Variants in TENT4B observed in about 807,000 individuals in gnomAD.
TENT4B encodes PAP associated domain containing 5.
TENT4B carries 10 observed loss-of-function variants against 75.0 expected under a neutral mutation model. The ratio of observed to expected loss-of-function variants is 0.13; its 90% CI spans 0.08 to 0.23. TENT4B has a LOEUF of 0.23. TENT4B is among the 10% of genes least tolerant of loss of function. The pLI is 1.00. For synonymous variants in TENT4B, 350 were observed against 357.7 expected, an observed-to-expected ratio of 0.98 and a Z score of 0.24; for missense variants, 579 against 893.8, an observed-to-expected ratio of 0.65 and a Z score of 4.49.
chr16:50,224,446 A>G (rs1445633940), intron 7 of TENT4B, among the ~76,000 whole-genome samples: 4 of 152,190 alleles, frequency 2.6e-5, no homozygotes, highest in African/African-American at 9.7e-5. Context: ...GCCAGAATAC[A>G]TTCCGGCAAC....
chr16:50,217,653 A>T lies in TENT4B; in HGVS notation c.1028A>T (p.Asp343Val), dbSNP rs760667680. 1 of 1,521,084 alleles carries T rather than the reference A, an allele frequency of 6.6e-7. No individual in the cohort carries two copies. Among genetic ancestry groups the T allele is most frequent in the Non-Finnish European group, 8.8e-7 (1 of 1,135,192 alleles). The allele number at this position is 1,521,084 out of a possible 1,614,324, so 94.2% of individuals were successfully genotyped here. The part of the protein sequence containing the change: ...NGVRAADLIK[D>V]FTKKYPVLPY... ...GTGAGAGCAGCTGACCTCATCAAAG[A>T]TTTTACCAAGGTCAGAGAATTTAGC... Residue 343 changes from aspartate to valine, a missense_variant, in exon 5 of 12, where the codon GAT (aspartate) becomes GTT (valine). Coordinates refer to ENST00000561678, the MANE Select transcript of TENT4B (RefSeq NM_001365324.3).
intron 1 of TENT4B, among the ~76,000 whole-genome samples, chr16:50,175,629 G>A (rs765838536): frequency 2.8e-4 from 43 of 151,656 alleles, no homozygotes; most frequent in Admixed American, 7.9e-4. Context: ...ATGACACCAC[G>A]CCCAGCTAAT....
At chr16:50,170,241 G>T (rs2038180274) in intron 1 of TENT4B, among the ~76,000 whole-genome samples, 1 of 151,612 alleles carries the variant, frequency 6.6e-6, no homozygotes, top group Non-Finnish European at 1.5e-5. Context: ...GGCTGGACTT[G>T]AACTCCTGAC....
At chr16:50,159,246 G>GT (rs71138048) in intron 1 of TENT4B, among the ~76,000 whole-genome samples, 7,177 of 136,368 alleles carry the variant, frequency 0.053, 252 homozygotes, top group Admixed American at 0.12. Flanking sequence ...CTCTCTTTCT[G>GT]TTTTTTTTTT....
In TENT4B at chr16:50,155,272, G is replaced by GGGGTGTGTGT. The variant is rs377547594; in HGVS notation, c.638+1014_638+1015insGGTGTGTGTG. 1.4e-3 allele frequency among the ~76,000 whole-genome samples: 193 copies of GGGGTGTGTGT among 135,484 alleles called. 4 individuals are homozygous for GGGGTGTGTGT. Among genetic ancestry groups the GGGGTGTGTGT allele is most frequent in the African/African-American group, 5.0e-3 (179 of 35,896 alleles). The allele number at this position is 135,484 out of a possible 152,430, so 88.9% of individuals were successfully genotyped here. On this transcript the variant is annotated intron_variant, in intron 1 of 11. Transcript: ENST00000561678. ...TAAAACAAAGCTTTTGGGTCTCGTG[G>GGGGTGTGTGT]GTGTGTGTGTGTGTGTGTGTGTGTG...
intron 1 of TENT4B, among the ~76,000 whole-genome samples, chr16:50,198,593 AC>A (rs1481863384): frequency 6.6e-6 from 1 of 152,136 alleles, no homozygotes; most frequent in Non-Finnish European, 1.5e-5. Context: ...AGATCAACTC[AC>A]TAATGTATTA....
chr16:50,212,049 C>CT (rs2031306913), intron 2 of TENT4B, among the ~76,000 whole-genome samples: 1 of 152,012 alleles, frequency 6.6e-6, no homozygotes, highest in Non-Finnish European at 1.5e-5. Context: ...GTTTTTGTTA[C>CT]TGGTACTAAG....
intron 1 of TENT4B, among the ~76,000 whole-genome samples, chr16:50,183,678 G>A (rs952322390): frequency 1.3e-5 from 2 of 152,100 alleles, no homozygotes; most frequent in Admixed American, 6.6e-5. Flanking sequence ...ACAGGAACTC[G>A]ATAAGTTGAG....
intron 1 of TENT4B, among the ~76,000 whole-genome samples, chr16:50,197,145 A>G (rs2030321634): frequency 6.6e-6 from 1 of 152,096 alleles, no homozygotes; most frequent in African/African-American, 2.4e-5. Flanking sequence ...ACAGAGTACA[A>G]CAACCTTTGG....
At chr16:50,213,416 T>G (rs768357977) in intron 2 of TENT4B, among the ~76,000 whole-genome samples, 1 of 152,208 alleles carries the variant, frequency 6.6e-6, no homozygotes, top group Non-Finnish European at 1.5e-5. Flanking sequence ...TCCACCGTTC[T>G]CCATGGGTTG....
chr16:50,230,298 A>AT lies in TENT4B; in HGVS notation c.*970_*971insT, dbSNP rs2032246484. The AT allele has an allele frequency of 1.1e-6, 1 of 902,858 alleles. No individual in the cohort carries two copies. 55.9% of individuals were successfully genotyped at this position (902,858 alleles called of 1,614,324 possible). On this transcript the variant is annotated 3_prime_UTR_variant, in exon 12 of 12. Coordinates refer to ENST00000561678, the MANE Select transcript of TENT4B (RefSeq NM_001365324.3). ...TTTTTTCCCCCCATTTCTTCCTAAT[A>AT]GGAAAAAAAAAAAAAAAAAGGTCAC...
intron 1 of TENT4B, among the ~76,000 whole-genome samples, chr16:50,191,064 A>G (rs983396772): frequency 6.6e-6 from 1 of 152,118 alleles, no homozygotes; most frequent in Non-Finnish European, 1.5e-5. Flanking sequence ...TTAAGGTTGA[A>G]TAATATTCCA....
chr16:50,175,569 C>CT (rs1201396641), intron 1 of TENT4B, among the ~76,000 whole-genome samples: 1 of 152,106 alleles, frequency 6.6e-6, no homozygotes, highest in Non-Finnish European at 1.5e-5. Context: ...ACTGCAACCT[C>CT]TGACTCCCTG....
In TENT4B at chr16:50,154,138, A is replaced by G; in HGVS notation, c.517A>G (p.Asn173Asp). ...CAACAAGGCCAGCACGTATGGACTCAACTACAGCCTGCTGCAGCCCAGCGG... is the reference window on the plus strand; with the variant it reads ...CAACAAGGCCAGCACGTATGGACTCGACTACAGCCTGCTGCAGCCCAGCGG... Reference protein sequence around the residue: ...RDNKASTYGLNYSLLQPSGGR... With the variant: ...RDNKASTYGLDYSLLQPSGGR... The change falls in exon 1 of 12, where the codon AAC (asparagine) becomes GAC (aspartate). Residue 173 changes from asparagine (N) to aspartate (D), a missense_variant. Asn to Asp is a conservative substitution (Grantham distance 23, BLOSUM62 1). Around this residue, in one of 7 missense-constraint regions of TENT4B, gnomAD observed 253 missense variants for 270.1 expected, o/e 0.94. Coordinates refer to ENST00000561678, the MANE Select transcript of TENT4B (RefSeq NM_001365324.3). 6.6e-7 allele frequency: 1 copy of G among 1,525,602 alleles called. No individual in the cohort carries two copies. The highest frequency in any genetic ancestry group is 1.2e-5 in the South Asian group (1 of 82,182). 94.5% of individuals were successfully genotyped at this position (1,525,602 alleles called of 1,614,324 possible). A position where few individuals can be genotyped will look rare whatever the true frequency, so the allele number is the denominator to read the frequency against.
chr16:50,167,749 C>T (rs2038129479), intron 1 of TENT4B, among the ~76,000 whole-genome samples: 1 of 151,660 alleles, frequency 6.6e-6, no homozygotes, highest in Admixed American at 6.6e-5. Flanking sequence ...CCTCTGCCTC[C>T]TCGGTTCAAG....
intron 1 of TENT4B, among the ~76,000 whole-genome samples, chr16:50,191,333 T>A (rs1203992686): frequency 6.6e-6 from 1 of 152,210 alleles, no homozygotes; most frequent in Admixed American, 6.5e-5. Flanking sequence ...CCCAGCAATG[T>A]ACGAGGGCTC....
At chr16:50,190,718 C>T (rs2038623372) in intron 1 of TENT4B, among the ~76,000 whole-genome samples, 2 of 152,022 alleles carry the variant, frequency 1.3e-5, no homozygotes, top group Admixed American at 6.6e-5. Flanking sequence ...ATATAGCATA[C>T]AATTTACTAT....
intron 10 of TENT4B, among the ~76,000 whole-genome samples, chr16:50,226,497 T>C (rs1326985953): frequency 6.6e-6 from 1 of 152,208 alleles, no homozygotes; most frequent in Non-Finnish European, 1.5e-5. Flanking sequence ...AGTGGCGCGA[T>C]CTTGGCTCAC....
At chr16:50,208,915 T>A (rs1018485008) in intron 1 of TENT4B, among the ~76,000 whole-genome samples, 3 of 152,132 alleles carry the variant, frequency 2.0e-5, no homozygotes, top group African/African-American at 7.2e-5. Flanking sequence ...ATATTTTTAG[T>A]AGAGATGGGG....
Sources: gnomAD v4.1 joint callset for allele counts (sites outside exome capture counted in the v4.1 genomes callset) on GRCh38, gnomAD v4.1.1 for gene constraint, gnomAD v4.1.1 regional missense constraint, MANE v1.5 for transcripts, NCBI Gene and HGNC (gene_info 2026-07-23, HGNC 2026-07-21) for gene names.